DNAH7: variants seen among roughly 807,000 people sequenced by gnomAD.
DNAH7 encodes axonemal beta dynein heavy chain 7.
A neutral mutation model predicts 444.6 loss-of-function variants in DNAH7; 397 were observed. The ratio of observed to expected loss-of-function variants is 0.89; its 90% CI spans 0.82 to 0.97. The LOEUF (loss-of-function observed/expected upper bound fraction) is 0.97. Ranked by LOEUF, DNAH7 falls within the 50% of genes least tolerant of loss-of-function variation. DNAH7 has a pLI of 0.00. For missense variants in DNAH7, 4,902 were observed against 4,800.8 expected, an observed-to-expected ratio of 1.02 and a Z score of -0.62; for synonymous variants, 1,636 against 1,624.4, an observed-to-expected ratio of 1.01 and a Z score of -0.17.
chr2:195,746,134 G>A (rs1274235201), intron 63 of DNAH7, among the ~76,000 whole-genome samples: 2 of 152,030 alleles, frequency 1.3e-5, no homozygotes, highest in Admixed American at 1.3e-4. Context: ...ATAGGCTCAA[G>A]ATAAAAGGAT....
At chr2:195,740,627 A>T (rs865928133) in intron 64 of DNAH7, 139 bp downstream of exon 64, 1 of 90,960 alleles carries the variant, frequency 1.1e-5, no homozygotes, top group Non-Finnish European at 2.1e-5. Context: ...ATATATATAT[A>T]TATATATATA....
intron 24 of DNAH7, among the ~76,000 whole-genome samples, chr2:195,916,533 T>C (rs1028668908): frequency 4.0e-5 from 6 of 148,798 alleles, no homozygotes; most frequent in Non-Finnish European, 7.4e-5. Context: ...TTGGTCATAG[T>C]CAGCTCCAGG....
At chr2:195,873,275 T>C (rs72915156) in intron 39 of DNAH7, among the ~76,000 whole-genome samples, 14,790 of 152,178 alleles carry the variant, frequency 0.097, 842 homozygotes, top group African/African-American at 0.15. Context: ...TACTAGAGGG[T>C]ATCAAAGTCA....
At chr2:195,865,977 G>C (rs1453024999) in intron 40 of DNAH7, among the ~76,000 whole-genome samples, 2 of 152,152 alleles carry the variant, frequency 1.3e-5, no homozygotes, top group East Asian at 3.8e-4. Flanking sequence ...AAGCCAGCGT[G>C]AGAAAATAAA....
intron 58 of DNAH7, among the ~76,000 whole-genome samples, chr2:195,784,075 G>A (rs1695506154): frequency 1.3e-5 from 2 of 152,040 alleles, no homozygotes; most frequent in South Asian, 2.1e-4. Flanking sequence ...TACAAATGAT[G>A]AGCCTACACT....
intron 63 of DNAH7, among the ~76,000 whole-genome samples, chr2:195,747,157 T>C (rs1218596327): frequency 6.6e-6 from 1 of 151,582 alleles, no homozygotes; most frequent in African/African-American, 2.4e-5. Flanking sequence ...TAAAAAATGA[T>C]AAAGGGGATA....
At position 195,796,754 on chromosome 2, in the gene DNAH7, T is replaced by A. The variant is rs1696160558; in HGVS notation, c.10354-17A>T. The A allele has an allele frequency of 2.7e-5, 43 of 1,583,140 alleles. No homozygotes were observed. Among genetic ancestry groups the A allele is most frequent in the Non-Finnish European group, 3.6e-5 (42 of 1,164,680 alleles). ...CCCATATCCCTGTGTACAAGAATAG[T>A]AGAGATGTTATTTAAAATCACATTT... is the stretch of plus-strand genomic sequence containing the variant. On this transcript the variant is annotated splice_polypyrimidine_tract_variant and intron_variant, in intron 55 of 64. Transcript: ENST00000312428.
rs1213701697 is a variant in DNAH7 at position 195,737,967 on chromosome 2, T to G, written c.12029A>C (p.His4010Pro). 1 of 1,613,994 alleles carries G rather than the reference T, an allele frequency of 6.2e-7. No individual in the cohort carries two copies. The highest frequency in any genetic ancestry group is 8.5e-7 in the Non-Finnish European group (1 of 1,179,958). The change falls in exon 65 of 65, where the codon CAC (histidine) becomes CCC (proline). Residue 4010 changes from histidine (H) to proline (P), a missense_variant. His to Pro is a moderately conservative substitution (Grantham distance 77). Coordinates refer to ENST00000312428, the MANE Select transcript of DNAH7 (RefSeq NM_018897.3). ...MTLPSDQPKE[H>P]WIGRGVALLC... ...CAGTGCTACACCTCGTCCAATCCAG[T>G]GTTCCTTGGGTTGGTCAGAGGGAAG... is the stretch of plus-strand genomic sequence containing the variant.
chr2:195,740,943 T>G, intron 63 of DNAH7, 74 bp from the exon 64 acceptor site: 1 of 792,834 alleles, frequency 1.3e-6, no homozygotes, highest in Non-Finnish European at 1.8e-6. Context: ...CTGAAATTTC[T>G]ACATGTAAGT....
chr2:195,881,384 G>A (rs572764340), intron 36 of DNAH7, among the ~76,000 whole-genome samples: 1 of 152,212 alleles, frequency 6.6e-6, no homozygotes, highest in Admixed American at 6.5e-5. Flanking sequence ...TTAACTAACA[G>A]CCAATTCCAG....
chr2:195,994,199 C>T (rs1287876296), intron 12 of DNAH7: 1 of 248,134 alleles, frequency 4.0e-6, no homozygotes, highest in African/African-American at 2.3e-5. Context: ...GTTCTGGTCC[C>T]ATGATAAAAA....
intron 16 of DNAH7, among the ~76,000 whole-genome samples, chr2:195,970,755 T>C (rs1432643200): frequency 6.6e-6 from 1 of 152,212 alleles, no homozygotes; most frequent in African/African-American, 2.4e-5. Flanking sequence ...CTCTAAAAAA[T>C]AGCTCAATAA....
chr2:195,812,511 C>T (rs1697016509), intron 51 of DNAH7, among the ~76,000 whole-genome samples: 1 of 152,082 alleles, frequency 6.6e-6, no homozygotes, highest in African/African-American at 2.4e-5. Flanking sequence ...TTGCTTGCTA[C>T]ATAAAGTTAT....
chr2:195,756,421 A>G, intron 61 of DNAH7, 136 bp from the exon 62 acceptor site: 4 of 705,980 alleles, frequency 5.7e-6, no homozygotes, highest in Non-Finnish European at 8.3e-6. Flanking sequence ...TACAGGAAAA[A>G]AAAAAAGTGA....
chr2:195,986,738 C>T (rs564712263), intron 14 of DNAH7, among the ~76,000 whole-genome samples: 30 of 152,198 alleles, frequency 2.0e-4, no homozygotes, highest in South Asian at 6.2e-4. Context: ...TATGTAAATC[C>T]ACTTTGAAAC....
chr2:196,051,616 A>T (rs574288056), intron 2 of DNAH7, among the ~76,000 whole-genome samples: 1 of 151,894 alleles, frequency 6.6e-6, no homozygotes, highest in Non-Finnish European at 1.5e-5. Flanking sequence ...AAATACAAAA[A>T]ATTAGCCGGG....
At chr2:195,909,916 C>G in intron 25 of DNAH7, 111 bp downstream of exon 25, 1 of 1,149,738 alleles carries the variant, frequency 8.7e-7, no homozygotes, top group Non-Finnish European at 1.2e-6. Flanking sequence ...TCAATTTTTA[C>G]TTTTACTTAA....
intron 60 of DNAH7, among the ~76,000 whole-genome samples, chr2:195,773,477 AT>A (rs1694934969): frequency 2.0e-5 from 3 of 149,294 alleles, no homozygotes; most frequent in Admixed American, 1.3e-4. Context: ...AAAAAAAAAA[AT>A]TTAATAACGC....
intron 61 of DNAH7, among the ~76,000 whole-genome samples, chr2:195,758,972 G>A (rs1694214432): frequency 1.3e-5 from 2 of 152,194 alleles, no homozygotes; most frequent in Admixed American, 6.5e-5. Context: ...CCACAGGAAC[G>A]ACAATTCCTA....
Sources: allele counts gnomAD v4.1 joint callset (sites outside exome capture counted in the v4.1 genomes callset), GRCh38; gene constraint gnomAD v4.1.1; transcripts MANE v1.5; gene names NCBI Gene and HGNC (gene_info 2026-07-23, HGNC 2026-07-21).